Variants in KCNU1 observed in about 807,000 individuals in gnomAD.
KCNU1 encodes potassium calcium-activated channel subfamily U member 1.
A neutral mutation model predicts 126.8 loss-of-function variants in KCNU1; 93 were observed. The observed-to-expected ratio is 0.73, with a 90% CI of 0.62 to 0.87. The LOEUF (loss-of-function observed/expected upper bound fraction) is 0.87. Ranked by LOEUF, KCNU1 falls within the 40% of genes least tolerant of loss-of-function variation. The probability of loss-of-function intolerance (pLI) is 0.00; values close to 1 mark genes in which losing one functional copy is unlikely to be tolerated. For synonymous variants in KCNU1, 523 were observed against 494.2 expected, an observed-to-expected ratio of 1.06 and a Z score of -0.77; for missense variants, 1,330 against 1,367.1, an observed-to-expected ratio of 0.97 and a Z score of 0.43.
At chr8:36,824,957 T>C (rs1005427760) in intron 10 of KCNU1, among the ~76,000 whole-genome samples, 1 of 152,208 alleles carries the variant, frequency 6.6e-6, no homozygotes, top group African/African-American at 2.4e-5. Flanking sequence ...TTTTTGTATA[T>C]GTATCTTGGT....
chr8:36,929,857 T>C (rs1028942266), intron 24 of KCNU1, among the ~76,000 whole-genome samples: 2 of 152,066 alleles, frequency 1.3e-5, no homozygotes, highest in African/African-American at 4.8e-5. Flanking sequence ...ACGATCTGAT[T>C]TGTGTTTCTG....
chr8:36,825,470 C>T (rs1047711183), intron 10 of KCNU1, among the ~76,000 whole-genome samples: 1 of 152,094 alleles, frequency 6.6e-6, no homozygotes, highest in Non-Finnish European at 1.5e-5. Context: ...TAACATTTAA[C>T]CTTTTGTTCT....
intron 4 of KCNU1, among the ~76,000 whole-genome samples, chr8:36,805,517 A>C (rs1466133834): frequency 1.3e-5 from 2 of 152,192 alleles, no homozygotes; most frequent in African/African-American, 2.4e-5. Context: ...TCTTTTGTTA[A>C]ATGCCATCAT....
chr8:36,905,894 T>C, intron 20 of KCNU1, 90 bp downstream of exon 20: 1 of 643,310 alleles, frequency 1.6e-6, no homozygotes, highest in Non-Finnish European at 2.7e-6. Flanking sequence ...ACCTGTCACT[T>C]CCCTTTGTAA....
chr8:36,810,452 AG>A (rs1315986106), intron 7 of KCNU1, among the ~76,000 whole-genome samples: 3 of 152,160 alleles, frequency 2.0e-5, no homozygotes, highest in Non-Finnish European at 4.4e-5. Context: ...CACAGAAAAA[AG>A]GAGAAACAAT....
At chr8:36,858,065 G>C (rs1366593110) in intron 18 of KCNU1, among the ~76,000 whole-genome samples, 2 of 150,450 alleles carry the variant, frequency 1.3e-5, no homozygotes, top group Non-Finnish European at 2.9e-5. Context: ...GCCAGTTTAT[G>C]AAGCTTCTGC....
intron 19 of KCNU1, among the ~76,000 whole-genome samples, chr8:36,890,406 G>A (rs1806912386): frequency 6.6e-6 from 1 of 151,932 alleles, no homozygotes; most frequent in Non-Finnish European, 1.5e-5. Flanking sequence ...TAAGCTACAT[G>A]CACTATACAT....
intron 12 of KCNU1, among the ~76,000 whole-genome samples, chr8:36,835,402 T>A (rs1804712086): frequency 6.6e-6 from 1 of 151,858 alleles, no homozygotes; most frequent in South Asian, 2.1e-4. Flanking sequence ...TGGAGGGCAG[T>A]GGCGTGATCT....
intron 22 of KCNU1, among the ~76,000 whole-genome samples, chr8:36,912,661 G>C (rs2117540964): frequency 6.6e-6 from 1 of 152,210 alleles, no homozygotes; most frequent in East Asian, 1.9e-4. Flanking sequence ...ATTGGACAAA[G>C]AAGAAGTATT....
At chr8:36,928,858 T>G in intron 24 of KCNU1, 1 of 583,858 alleles carries the variant, frequency 1.7e-6, no homozygotes, top group Non-Finnish European at 3.0e-6. Flanking sequence ...CCACTCAGAG[T>G]GCCCTTTAAA....
At chr8:36,798,162 A>G (rs1803175171) in intron 2 of KCNU1, among the ~76,000 whole-genome samples, 1 of 152,166 alleles carries the variant, frequency 6.6e-6, no homozygotes. Context: ...CAGAGGCACA[A>G]TTACCATCCG....
rs1024846108 is a variant in KCNU1 at position 36,872,259 on chromosome 8, A to G, written c.2009+7738A>G. On this transcript the variant is annotated intron_variant, in intron 19 of 26. Coordinates refer to ENST00000399881, the MANE Select transcript of KCNU1 (RefSeq NM_001031836.3). ...GGATCAGGGACTTCAGCTAAGGAAC[A>G]AAGCCCTAACTAACAAATTTCAGGT... is the stretch of plus-strand genomic sequence containing the variant. Among the ~76,000 whole-genome samples, 4 of 152,330 alleles carry G rather than the reference A, an allele frequency of 2.6e-5. No homozygotes were observed. The East Asian group carries it at 7.7e-4, about 29-fold the overall frequency.
intron 19 of KCNU1, among the ~76,000 whole-genome samples, chr8:36,882,138 A>G (rs780578195): frequency 1.5e-4 from 23 of 152,130 alleles, no homozygotes; most frequent in Admixed American, 1.2e-3. Flanking sequence ...TTCTTCTTTT[A>G]TGTCATTTCC....
intron 19 of KCNU1, among the ~76,000 whole-genome samples, chr8:36,878,638 A>G (rs1484080608): frequency 1.3e-4 from 20 of 152,124 alleles, no homozygotes; most frequent in Non-Finnish European, 7.3e-5. Flanking sequence ...TTCTCAAAGA[A>G]GTAAAGGAGT....
At chr8:36,873,369 G>T (rs1363061499) in intron 19 of KCNU1, among the ~76,000 whole-genome samples, 2 of 151,848 alleles carry the variant, frequency 1.3e-5, no homozygotes, top group Non-Finnish European at 2.9e-5. Flanking sequence ...GATAGTGAAA[G>T]TCAAAGACAC....
chr8:36,854,621 C>T (rs942183017), intron 18 of KCNU1, among the ~76,000 whole-genome samples: 8 of 151,960 alleles, frequency 5.3e-5, no homozygotes, highest in Non-Finnish European at 8.8e-5. Flanking sequence ...ACATCATTCT[C>T]ATATTCCTTT....
At position 36,833,541 on chromosome 8, in the gene KCNU1, C is replaced by T; in HGVS notation, c.1107-13C>T. On this transcript the variant is annotated splice_polypyrimidine_tract_variant and intron_variant, in intron 10 of 26. Transcript: ENST00000399881. ...TTTTTTCCCTCATTGCTGCCACGTTCTTTTTTGTCCAGAACCCCTCCTTCT... is the reference window on the plus strand; with the variant it reads ...TTTTTTCCCTCATTGCTGCCACGTTTTTTTTTGTCCAGAACCCCTCCTTCT... 6.5e-7 allele frequency: 1 copy of T among 1,539,406 alleles called. No individual in the cohort carries two copies. The highest frequency in any genetic ancestry group is 9.0e-7 in the Non-Finnish European group (1 of 1,112,878).
intron 16 of KCNU1, among the ~76,000 whole-genome samples, chr8:36,843,699 A>G (rs1805038456): frequency 6.6e-6 from 1 of 152,226 alleles, no homozygotes; most frequent in Admixed American, 6.5e-5. Context: ...AAGCAAATAT[A>G]TTGAAATTCT....
At position 36,934,095 on chromosome 8, in the gene KCNU1, G is replaced by A. The variant is rs892166932; in HGVS notation, c.3044+1063G>A. On this transcript the variant is annotated intron_variant, in intron 26 of 26. Transcript: ENST00000399881. The stretch of plus-strand genomic sequence containing the variant: ...AAGGGAGTGAGAGAGAAAGTATGAT[G>A]AGAAGTTGTAGTCAGCTGTGTGATT... Among the ~76,000 whole-genome samples, 5 of 152,074 alleles carry A rather than the reference G, an allele frequency of 3.3e-5. 1 individual carries two copies. Among genetic ancestry groups the A allele is most frequent in the African/African-American group, 9.7e-5 (4 of 41,424 alleles).
Sources: allele counts gnomAD v4.1 joint callset (sites outside exome capture counted in the v4.1 genomes callset), GRCh38; gene constraint gnomAD v4.1.1; transcripts MANE v1.5; gene names NCBI Gene and HGNC (gene_info 2026-07-23, HGNC 2026-07-21).